XYLT1: variants seen among roughly 807,000 people sequenced by gnomAD.
XYLT1 encodes the protein xylosyltransferase 1, also known as beta-D-xylosyltransferase 1.
A neutral mutation model predicts 91.3 loss-of-function variants in XYLT1; 36 were observed. That is an observed-to-expected ratio of 0.39 (90% CI 0.30 to 0.52). The LOEUF is 0.52. XYLT1 is among the 20% of genes least tolerant of loss of function. XYLT1 has a pLI of 0.68. For synonymous variants in XYLT1, 588 were observed against 532.0 expected, an observed-to-expected ratio of 1.11 and a Z score of -1.45; for missense variants, 1,242 against 1,284.5, an observed-to-expected ratio of 0.97 and a Z score of 0.51.
intron 2 of XYLT1, among the ~76,000 whole-genome samples, chr16:17,310,089 C>T (rs112113892): frequency 1.3e-3 from 205 of 152,230 alleles, no homozygotes; most frequent in South Asian, 2.5e-3. Flanking sequence ...ACAAAATGCC[C>T]GCACACTTCT....
chr16:17,456,333 T>TC (rs2036741979), intron 1 of XYLT1, among the ~76,000 whole-genome samples: 1 of 76,950 alleles, frequency 1.3e-5, no homozygotes, highest in East Asian at 2.3e-4. Flanking sequence ...AGTACAAACC[T>TC]TTTTTTTTTT....
chr16:17,385,003 G>C (rs139063534), intron 1 of XYLT1, among the ~76,000 whole-genome samples: 1 of 151,684 alleles, frequency 6.6e-6, no homozygotes, highest in Non-Finnish European at 1.5e-5. Flanking sequence ...TCCCAGCATC[G>C]GGCCTGGAGG....
chr16:17,245,216 A>C (rs2033417673), intron 3 of XYLT1, among the ~76,000 whole-genome samples: 1 of 152,222 alleles, frequency 6.6e-6, no homozygotes, highest in Admixed American at 6.5e-5. Flanking sequence ...TTTAACAAGC[A>C]TCCTTTCTGC....
chr16:17,111,697 C>T (rs1223083906), intron 11 of XYLT1, among the ~76,000 whole-genome samples: 2 of 152,162 alleles, frequency 1.3e-5, no homozygotes, highest in Admixed American at 6.5e-5. Flanking sequence ...CAGACAAGAT[C>T]GCCACTCCTT....
intron 3 of XYLT1, among the ~76,000 whole-genome samples, chr16:17,202,042 A>G (rs542174382): frequency 1.3e-5 from 2 of 152,300 alleles, no homozygotes; most frequent in South Asian, 4.1e-4. Context: ...TCCGAAAATC[A>G]GCCTCAAAGA....
At chr16:17,367,114 C>T (rs1299110903) in intron 1 of XYLT1, among the ~76,000 whole-genome samples, 1 of 152,196 alleles carries the variant, frequency 6.6e-6, no homozygotes, top group African/African-American at 2.4e-5. Context: ...GGAGCACTGA[C>T]TGAGATGTTC....
chr16:17,395,181 A>C (rs930633032), intron 1 of XYLT1, among the ~76,000 whole-genome samples: 1 of 152,138 alleles, frequency 6.6e-6, no homozygotes, highest in African/African-American at 2.4e-5. Context: ...AAAGCATCAG[A>C]TCTCATGAGA....
chr16:17,303,258 C>G (rs1339964087), intron 2 of XYLT1, among the ~76,000 whole-genome samples: 1 of 152,168 alleles, frequency 6.6e-6, no homozygotes, highest in Non-Finnish European at 1.5e-5. Flanking sequence ...GCCTGCAATC[C>G]TCTTTTGCGA....
chr16:17,319,449 ATT>A (rs746624402), intron 2 of XYLT1, among the ~76,000 whole-genome samples: 1 of 144,208 alleles, frequency 6.9e-6, no homozygotes. Context: ...CCATTCAGGA[ATT>A]TTTTTTTTTT....
intron 2 of XYLT1, among the ~76,000 whole-genome samples, chr16:17,282,861 C>T (rs1301830166): frequency 6.6e-6 from 1 of 152,150 alleles, no homozygotes; most frequent in Non-Finnish European, 1.5e-5. Flanking sequence ...AAGGGATTAA[C>T]CTGCATTACA....
chr16:17,395,474 C>T (rs1054610142), intron 1 of XYLT1, among the ~76,000 whole-genome samples: 25 of 152,184 alleles, frequency 1.6e-4, no homozygotes, highest in Admixed American at 1.4e-3. Context: ...CGCACCACTG[C>T]ACTCCAGCCT....
chr16:17,199,308 G>C (rs2032489362), intron 4 of XYLT1, among the ~76,000 whole-genome samples: 1 of 152,192 alleles, frequency 6.6e-6, no homozygotes, highest in African/African-American at 2.4e-5. Context: ...GGAGTCAGCA[G>C]GGCTGATGCA....
intron 2 of XYLT1, among the ~76,000 whole-genome samples, chr16:17,351,383 C>T (rs1300355265): frequency 1.3e-5 from 2 of 152,254 alleles, no homozygotes; most frequent in Admixed American, 1.3e-4. Flanking sequence ...TGTGGTGTCA[C>T]ATGCCTGTAA....
At chr16:17,208,323 C>T (rs943713370) in intron 3 of XYLT1, among the ~76,000 whole-genome samples, 3 of 151,492 alleles carry the variant, frequency 2.0e-5, no homozygotes, top group Non-Finnish European at 4.4e-5. Context: ...CCCCTCTGAA[C>T]ATCCTGCACT....
chr16:17,222,074 T>C (rs2032978606), intron 3 of XYLT1, among the ~76,000 whole-genome samples: 1 of 152,214 alleles, frequency 6.6e-6, no homozygotes, highest in Non-Finnish European at 1.5e-5. Flanking sequence ...TCAACTGGCT[T>C]GGCCAAGAAG....
intron 1 of XYLT1, among the ~76,000 whole-genome samples, chr16:17,463,854 T>G (rs769148192): frequency 2.0e-5 from 3 of 152,162 alleles, no homozygotes; most frequent in Non-Finnish European, 1.5e-5. Flanking sequence ...CATCGGTGGA[T>G]GAATGGATAA....
intron 1 of XYLT1, among the ~76,000 whole-genome samples, chr16:17,403,285 A>G (rs1386321314): frequency 6.6e-6 from 1 of 152,188 alleles, no homozygotes; most frequent in Non-Finnish European, 1.5e-5. Context: ...CGTCTTGCCC[A>G]AGTCATACAA....
At chr16:17,458,735 T>C (rs1320583854) in intron 1 of XYLT1, among the ~76,000 whole-genome samples, 2 of 152,162 alleles carry the variant, frequency 1.3e-5, no homozygotes, top group Middle Eastern at 3.2e-3. Context: ...AGTTAGAGTT[T>C]GCTTATGTGT....
intron 3 of XYLT1, among the ~76,000 whole-genome samples, chr16:17,214,685 G>A (rs767329618): frequency 2.0e-5 from 3 of 152,178 alleles, no homozygotes; most frequent in Non-Finnish European, 2.9e-5. Context: ...CTTATGAGAA[G>A]CAGCCTCTCC....
Sources: allele counts gnomAD v4.1 joint callset (sites outside exome capture counted in the v4.1 genomes callset), GRCh38; gene constraint gnomAD v4.1.1; transcripts MANE v1.5; gene names NCBI Gene and HGNC (gene_info 2026-07-23, HGNC 2026-07-21).